The following BTAF1 variants were observed in gnomAD, a reference collection of about 807,000 sequenced individuals.
BTAF1 encodes the protein B-TFIID TATA-box binding protein associated factor 1, also known as TATA-binding protein-associated factor 172.
BTAF1 carries 38 observed loss-of-function variants against 227.1 expected under a neutral mutation model. The observed-to-expected ratio is 0.17, with a 90% CI of 0.13 to 0.22. The LOEUF (loss-of-function observed/expected upper bound fraction) is 0.22, where lower values mean the gene tolerates loss of function less well. Among genes scored for constraint, BTAF1 ranks in the 10% least tolerant of loss-of-function variants. BTAF1 has a pLI of 1.00. For synonymous variants in BTAF1, 742 were observed against 751.9 expected (o/e 0.99, Z 0.21); for missense variants, 1,598 against 2,204.0 (o/e 0.73, Z 5.51).
chr10:91,944,872 A>C (rs1429878175), intron 4 of BTAF1, among the ~76,000 whole-genome samples: 2 of 152,230 alleles, frequency 1.3e-5, no homozygotes, highest in Non-Finnish European at 1.5e-5. Context: ...TGGTCCCATA[A>C]AATTATATTA....
rs4933224 is a variant in BTAF1 at position 91,966,333 on chromosome 10, C to T, written c.1530-304C>T. Among the ~76,000 whole-genome samples, 48,523 of 152,010 alleles carry T rather than the reference C, an allele frequency of 0.32. 8,880 individuals carry two copies. Among genetic ancestry groups the T allele is most frequent in the South Asian group, 0.52 (2,519 of 4,824 alleles). Reference sequence around the variant, plus strand: ...TGTCCCATTTTCCTAAGAACAATTACATTGGAAAGTCCTAACTTGATAAAG... The same window carrying T: ...TGTCCCATTTTCCTAAGAACAATTATATTGGAAAGTCCTAACTTGATAAAG... On this transcript the variant is annotated intron_variant, in intron 13 of 37. Transcript: ENST00000265990.
intron 4 of BTAF1, among the ~76,000 whole-genome samples, chr10:91,948,913 G>C (rs1176821039): frequency 1.3e-5 from 2 of 152,070 alleles, no homozygotes; most frequent in African/African-American, 4.8e-5. Context: ...ACCCAGTCTG[G>C]TTCTTTTTTA....
intron 33 of BTAF1, among the ~76,000 whole-genome samples, chr10:92,016,888 ATAAGT>A (rs1442920465): frequency 9.9e-5 from 15 of 152,238 alleles, no homozygotes; most frequent in Admixed American, 7.2e-4. Flanking sequence ...ATTCTTGAAA[ATAAGT>A]TAAAATACCT....
rs371376701 is a variant in BTAF1 at position 92,028,967 on chromosome 10, T to C, written c.*34T>C. 2 of 1,538,454 alleles carry C rather than the reference T, an allele frequency of 1.3e-6. No individual in the cohort carries two copies. Among genetic ancestry groups the C allele is most frequent in the Non-Finnish European group, 1.7e-6 (2 of 1,144,912 alleles). ...TATTGTAAATGCAATTGCTGCTAGT[T>C]CAGTTACATTTCTGCTGATATTCAG... On this transcript the variant is annotated 3_prime_UTR_variant, in exon 38 of 38. Transcript: ENST00000265990.
rs1231188458 is a variant in BTAF1 at position 91,950,040 on chromosome 10, G to A, written c.401-1363G>A. ...GCATATGGTCCTAGCTACTCAGAAG[G>A]CTGAGGCAGGAGGACTCCTTAAGTC... On this transcript the variant is annotated intron_variant, in intron 4 of 37. Transcript: ENST00000265990. 2.0e-5 allele frequency among the ~76,000 whole-genome samples: 3 copies of A among 151,734 alleles called. No individual in the cohort carries two copies. In the East Asian group the frequency reaches 5.8e-4, roughly 29 times the overall value.
chr10:91,993,391 G>A (rs1230438056), intron 21 of BTAF1, among the ~76,000 whole-genome samples: 3 of 151,978 alleles, frequency 2.0e-5, no homozygotes, highest in Admixed American at 6.6e-5. Flanking sequence ...TAGAGAGAAG[G>A]AGGAAAAAAA....
intron 25 of BTAF1, among the ~76,000 whole-genome samples, chr10:92,006,660 T>C (rs1434205444): frequency 1.3e-5 from 2 of 152,244 alleles, no homozygotes; most frequent in African/African-American, 4.8e-5. Flanking sequence ...TGTCAGCTTC[T>C]CTTGAAAATA....
intron 3 of BTAF1, among the ~76,000 whole-genome samples, chr10:91,941,101 ATTTTGT>A (rs1354081549): frequency 1.3e-5 from 2 of 152,152 alleles, no homozygotes; most frequent in African/African-American, 4.8e-5. Flanking sequence ...ATTTTGAGTT[ATTTTGT>A]TAATTTGTCT....
chr10:91,977,932 C>T (rs1384752684), intron 14 of BTAF1, among the ~76,000 whole-genome samples: 1 of 152,158 alleles, frequency 6.6e-6, no homozygotes, highest in African/African-American at 2.4e-5. Context: ...CATCCCCCAT[C>T]CTCAACACTG....
intron 4 of BTAF1, among the ~76,000 whole-genome samples, chr10:91,947,954 T>TTCTTTATA (rs1845494763): frequency 6.6e-6 from 1 of 152,286 alleles, no homozygotes; most frequent in Non-Finnish European, 1.5e-5. Context: ...GGGCTTTTGT[T>TTCTTTATA]TCTTTATATC....
intron 14 of BTAF1, among the ~76,000 whole-genome samples, chr10:91,978,043 T>C (rs1309272792): frequency 6.6e-6 from 1 of 152,164 alleles, no homozygotes; most frequent in African/African-American, 2.4e-5. Flanking sequence ...CATAATTTAC[T>C]TTAGGGTTCA....
At chr10:91,955,340 C>T (rs1254600332) in intron 6 of BTAF1, among the ~76,000 whole-genome samples, 2 of 151,958 alleles carry the variant, frequency 1.3e-5, no homozygotes, top group African/African-American at 4.8e-5. Context: ...GCCCTGAGGA[C>T]ATGTGTGAAT....
intron 32 of BTAF1, 125 bp from the exon 33 acceptor site, chr10:92,016,215 A>G: frequency 8.8e-7 from 1 of 1,132,038 alleles, no homozygotes; most frequent in Admixed American, 3.2e-5. Context: ...TAGAGATATC[A>G]CAATTTGTTT....
chr10:92,008,730 ATATTT>A (rs1463918293), intron 26 of BTAF1, 94 bp from the exon 27 acceptor site: 4 of 1,132,064 alleles, frequency 3.5e-6, no homozygotes, highest in South Asian at 1.9e-5. Context: ...GCATATAGAA[ATATTT>A]TTGTTTTGTG....
At chr10:91,961,410 A>G (rs1846498720) in intron 11 of BTAF1, among the ~76,000 whole-genome samples, 1 of 151,908 alleles carries the variant, frequency 6.6e-6, no homozygotes, top group South Asian at 2.1e-4. Flanking sequence ...TCTGTCTCAA[A>G]AAGCAAGCTC....
chr10:91,935,845 C>G lies in BTAF1; in HGVS notation c.138+65C>G, dbSNP rs1021358745. ...AGAGACTTATTCATGGATAGGAACA[C>G]AAAAATAAAGGTAAACATCATCTTA... On this transcript the variant is annotated intron_variant, in intron 2 of 37. Coordinates refer to ENST00000265990, the MANE Select transcript of BTAF1 (RefSeq NM_003972.3). 32 of 1,299,324 alleles carry G rather than the reference C, an allele frequency of 2.5e-5. No individual in the cohort carries two copies. In the Admixed American group the frequency reaches 5.5e-4, roughly 22 times the overall value. 80.5% of individuals were successfully genotyped at this position (1,299,324 alleles called of 1,614,324 possible).
chr10:91,963,939 A>G, intron 12 of BTAF1, 138 bp from the exon 13 acceptor site: 1 of 866,234 alleles, frequency 1.2e-6, no homozygotes, highest in African/African-American at 1.7e-5. Flanking sequence ...CCTTAACTTT[A>G]CTCAAAATTG....
At chr10:91,925,604 C>T (rs945305866) in intron 1 of BTAF1, among the ~76,000 whole-genome samples, 2 of 146,952 alleles carry the variant, frequency 1.4e-5, no homozygotes, top group South Asian at 4.3e-4. Flanking sequence ...CTCCGCATCC[C>T]GGGTTCAGGC....
intron 1 of BTAF1, among the ~76,000 whole-genome samples, chr10:91,926,102 A>G (rs1232053186): frequency 6.6e-6 from 1 of 152,116 alleles, no homozygotes; most frequent in Non-Finnish European, 1.5e-5. Flanking sequence ...ATTTCTTTGA[A>G]TGGCAAATTT....
Sources: gnomAD v4.1 joint callset for allele counts (sites outside exome capture counted in the v4.1 genomes callset) on GRCh38, gnomAD v4.1.1 for gene constraint, MANE v1.5 for transcripts, NCBI Gene and HGNC (gene_info 2026-07-23, HGNC 2026-07-21) for gene names.